The following PXDNL variants were observed in gnomAD, a reference collection of about 807,000 sequenced individuals.
The protein encoded by PXDNL is probable oxidoreductase PXDNL.
Under a neutral mutation model 150.8 loss-of-function variants are expected in PXDNL, and 145 were observed. That is an observed-to-expected ratio of 0.96 (90% CI 0.84 to 1.10). The LOEUF is 1.10. Among genes scored for constraint, PXDNL ranks in the 50% least tolerant of loss-of-function variants. The pLI, the probability that PXDNL is intolerant of heterozygous loss-of-function variation, is 0.00. For synonymous variants in PXDNL, 757 were observed against 725.7 expected (o/e 1.04, Z -0.69); for missense variants, 2,087 against 1,873.9 (o/e 1.11, Z -2.10).
At chr8:51,717,528 A>T (rs1816638715) in intron 1 of PXDNL, among the ~76,000 whole-genome samples, 1 of 152,174 alleles carries the variant, frequency 6.6e-6, no homozygotes, top group African/African-American at 2.4e-5. Context: ...CTAACATCCC[A>T]CATCTCTAGT....
intron 1 of PXDNL, among the ~76,000 whole-genome samples, chr8:51,696,685 A>G (rs1268384926): frequency 7.2e-5 from 11 of 151,756 alleles, no homozygotes; most frequent in Non-Finnish European, 1.2e-4. Context: ...ACATCCACAC[A>G]CACAGGTCCA....
intron 1 of PXDNL, among the ~76,000 whole-genome samples, chr8:51,655,715 G>A (rs1396780514): frequency 1.3e-5 from 2 of 152,194 alleles, no homozygotes; most frequent in African/African-American, 4.8e-5. Context: ...GCCAGCTGGA[G>A]TTGTTTTTAA....
intron 17 of PXDNL, among the ~76,000 whole-genome samples, chr8:51,394,681 G>A (rs1306755354): frequency 1.3e-5 from 2 of 152,166 alleles, no homozygotes; most frequent in African/African-American, 4.8e-5. Context: ...ACAACGGCCA[G>A]CCTGCATGCT....
At chr8:51,601,004 A>G (rs899192606) in intron 2 of PXDNL, among the ~76,000 whole-genome samples, 2 of 145,170 alleles carry the variant, frequency 1.4e-5, no homozygotes, top group African/African-American at 5.1e-5. Context: ...TAAATTATAT[A>G]GTTTAGATAA....
chr8:51,667,338 G>A (rs925296840), intron 1 of PXDNL, among the ~76,000 whole-genome samples: 4 of 152,244 alleles, frequency 2.6e-5, no homozygotes, highest in African/African-American at 9.6e-5. Context: ...TACACTCCTT[G>A]CAGTTCCAAC....
chr8:51,750,082 T>C (rs1458888382), intron 1 of PXDNL, among the ~76,000 whole-genome samples: 1 of 152,224 alleles, frequency 6.6e-6, no homozygotes, highest in Non-Finnish European at 1.5e-5. Flanking sequence ...AGAAAGTTTT[T>C]ATTTTTTTCC....
At chr8:51,759,294 A>G (rs2037136316) in intron 1 of PXDNL, among the ~76,000 whole-genome samples, 1 of 152,180 alleles carries the variant, frequency 6.6e-6, no homozygotes, top group South Asian at 2.1e-4. Flanking sequence ...TGCCTCTTCT[A>G]TCTGAAAGCG....
In PXDNL at chr8:51,347,245, A is replaced by G. The variant is rs188565130; in HGVS notation, c.3902-1298T>C. Among the ~76,000 whole-genome samples the G allele has an allele frequency of 2.1e-3, 326 of 152,352 alleles. 1 individual carries two copies. The highest frequency in any genetic ancestry group is 3.2e-3 in the Non-Finnish European group (219 of 68,036). ...AGAAGAGAAAGTGAAAACCACTTAC[A>G]TCTTCACCTTATCATATGTAAATTA... On this transcript the variant is annotated intron_variant, in intron 19 of 22. Transcript: ENST00000356297.
At position 51,372,010 on chromosome 8, in the gene PXDNL, C is replaced by T. The variant is rs867488074; in HGVS notation, c.3764G>A (p.Arg1255Gln). 1.1e-5 allele frequency: 18 copies of T among 1,612,664 alleles called. No homozygotes were observed. The highest frequency in any genetic ancestry group is 9.4e-5 in the African/African-American group (7 of 74,832). Residue 1255 changes from arginine to glutamine, a missense_variant, in exon 19 of 23, where the codon CGG becomes CAG. Transcript: ENST00000356297. ...LTQLKQASLS[R>Q]VLCDNGDSIQ... is the part of the protein sequence containing the mutation. ...GCTGTCACCATTGTCACAAAGCACC[C>T]GGCTCAGGGACGCCTGCTTCAGCTG...
At chr8:51,533,831 G>A (rs1347918298) in intron 4 of PXDNL, among the ~76,000 whole-genome samples, 1 of 150,388 alleles carries the variant, frequency 6.6e-6, no homozygotes, top group African/African-American at 2.5e-5. Flanking sequence ...ATCTCGGCTC[G>A]CTACAACCTC....
At chr8:51,662,837 G>A (rs1815304307) in intron 1 of PXDNL, among the ~76,000 whole-genome samples, 1 of 152,206 alleles carries the variant, frequency 6.6e-6, no homozygotes, top group Admixed American at 6.5e-5. Context: ...TAGGTCAGCA[G>A]CAAGGGAGCA....
chr8:51,482,983 A>G (rs1381407794), intron 6 of PXDNL, among the ~76,000 whole-genome samples: 1 of 152,080 alleles, frequency 6.6e-6, no homozygotes, highest in Admixed American at 6.5e-5. Flanking sequence ...TCTTTTTCTG[A>G]TAACTGGAAC....
At chr8:51,629,242 A>G (rs1814436705) in intron 2 of PXDNL, among the ~76,000 whole-genome samples, 1 of 152,210 alleles carries the variant, frequency 6.6e-6, no homozygotes, top group South Asian at 2.1e-4. Context: ...ATATAAAAAG[A>G]CATATTGTAG....
At chr8:51,632,304 A>G (rs1319359528) in intron 2 of PXDNL, among the ~76,000 whole-genome samples, 1 of 152,190 alleles carries the variant, frequency 6.6e-6, no homozygotes, top group Admixed American at 6.5e-5. Context: ...AGGCTATATT[A>G]TTTACACCAC....
chr8:51,740,129 G>A (rs1198808304), intron 1 of PXDNL, among the ~76,000 whole-genome samples: 2 of 151,606 alleles, frequency 1.3e-5, no homozygotes, highest in African/African-American at 2.4e-5. Context: ...GTCCCAAATC[G>A]ATCCTGATGT....
At chr8:51,490,637 C>T (rs963243493) in intron 5 of PXDNL, among the ~76,000 whole-genome samples, 1 of 139,896 alleles carries the variant, frequency 7.1e-6, no homozygotes, top group African/African-American at 2.8e-5. Flanking sequence ...TATATATATA[C>T]ATATATATAC....
At chr8:51,366,461 C>T (rs957408572) in intron 19 of PXDNL, among the ~76,000 whole-genome samples, 1 of 151,662 alleles carries the variant, frequency 6.6e-6, no homozygotes, top group Non-Finnish European at 1.5e-5. Context: ...GCTCAGGAGG[C>T]TGCCCTTTGT....
At chr8:51,770,458 T>C (rs1351822931) in intron 1 of PXDNL, among the ~76,000 whole-genome samples, 1 of 152,214 alleles carries the variant, frequency 6.6e-6, no homozygotes, top group Non-Finnish European at 1.5e-5. Context: ...TCCAAACTTC[T>C]GCTCTGAAGG....
chr8:51,601,348 G>T (rs186246197), intron 2 of PXDNL, among the ~76,000 whole-genome samples: 1 of 151,960 alleles, frequency 6.6e-6, no homozygotes, highest in Non-Finnish European at 1.5e-5. Flanking sequence ...TTACTGTGTG[G>T]CTGTCTAAGT....
Sources: gnomAD v4.1 joint callset for allele counts (sites outside exome capture counted in the v4.1 genomes callset) on GRCh38, gnomAD v4.1.1 for gene constraint, MANE v1.5 for transcripts, NCBI Gene and HGNC (gene_info 2026-07-23, HGNC 2026-07-21) for gene names.